Variants in CDH13 observed in about 807,000 individuals in gnomAD.
CDH13 encodes the protein cadherin-13.
In CDH13, 24 loss-of-function variants were observed where a neutral mutation model predicts 63.8. That is an observed-to-expected ratio of 0.38 (90% confidence interval 0.27 to 0.53). The LOEUF (loss-of-function observed/expected upper bound fraction) is 0.53. Ranked by LOEUF, CDH13 falls within the 20% of genes least tolerant of loss-of-function variation. CDH13 has a pLI of 0.85. For missense variants in CDH13, 1,049 were observed against 903.1 expected, an observed-to-expected ratio of 1.16 and a Z score of -2.07; for synonymous variants, 503 against 355.3, an observed-to-expected ratio of 1.42 and a Z score of -4.67.
At chr16:83,756,287 T>G (rs1363428864) in intron 11 of CDH13, among the ~76,000 whole-genome samples, 1 of 152,216 alleles carries the variant, frequency 6.6e-6, no homozygotes, top group African/African-American at 2.4e-5. Context: ...AGATTAAATA[T>G]TTCAAGTAAT....
chr16:82,823,120 G>A (rs2038081122), intron 1 of CDH13: 1 of 152,256 alleles, frequency 6.6e-6, no homozygotes, highest in Non-Finnish European at 1.5e-5. Context: ...CCTATTCCAA[G>A]AGAGAGGCTG....
chr16:83,669,780 C>T (rs780732915), intron 8 of CDH13, among the ~76,000 whole-genome samples: 4 of 152,210 alleles, frequency 2.6e-5, no homozygotes, highest in Non-Finnish European at 5.9e-5. Context: ...TATCACCTTA[C>T]TGTCTCTAGA....
chr16:83,004,910 A>C (rs1597392327), intron 2 of CDH13, among the ~76,000 whole-genome samples: 1 of 152,316 alleles, frequency 6.6e-6, no homozygotes, highest in Middle Eastern at 3.4e-3. Context: ...TGTCATCCCC[A>C]GGGTGGTATC....
intron 1 of CDH13, among the ~76,000 whole-genome samples, chr16:82,773,788 C>T (rs1049462930): frequency 6.8e-6 from 1 of 147,492 alleles, no homozygotes; most frequent in Non-Finnish European, 1.5e-5. Flanking sequence ...TCTTCTTCTT[C>T]TTCTTTTTTT....
At chr16:83,419,876 C>T (rs2071663854) in intron 6 of CDH13, among the ~76,000 whole-genome samples, 1 of 151,444 alleles carries the variant, frequency 6.6e-6, no homozygotes, top group Non-Finnish European at 1.5e-5. Flanking sequence ...TTCAGCTCTA[C>T]ATAATAACAG....
intron 1 of CDH13, among the ~76,000 whole-genome samples, chr16:82,792,260 C>T (rs1160378057): frequency 3.3e-5 from 5 of 152,126 alleles, no homozygotes; most frequent in African/African-American, 9.7e-5. Context: ...CTGCCTTTCC[C>T]AGTATGGAAG....
At chr16:82,633,560 G>T (rs1227834130) in intron 1 of CDH13, among the ~76,000 whole-genome samples, 1 of 152,106 alleles carries the variant, frequency 6.6e-6, no homozygotes, top group Non-Finnish European at 1.5e-5. Context: ...TTTATTTTTA[G>T]TAGAGACGGG....
At chr16:83,612,200 T>A (rs769261043) in intron 8 of CDH13, among the ~76,000 whole-genome samples, 1 of 152,058 alleles carries the variant, frequency 6.6e-6, no homozygotes, top group Non-Finnish European at 1.5e-5. Flanking sequence ...ATTAGATGTA[T>A]ACAAATTTAA....
At chr16:83,447,053 TAAAA>T (rs56692922) in intron 6 of CDH13, among the ~76,000 whole-genome samples, 18 of 64,286 alleles carry the variant, frequency 2.8e-4, no homozygotes, top group South Asian at 6.8e-4. Context: ...TCACCCGTCT[TAAAA>T]AAAAAAAAAA....
chr16:83,575,968 G>T (rs1905060197), intron 7 of CDH13, among the ~76,000 whole-genome samples: 1 of 152,134 alleles, frequency 6.6e-6, no homozygotes, highest in South Asian at 2.1e-4. Context: ...ACGTTAAAGT[G>T]AACAATTCAG....
In CDH13 at chr16:82,632,175, G is replaced by A. The variant is rs77718338; in HGVS notation, c.45+5038G>A. Among the ~76,000 whole-genome samples, 781 of 152,164 alleles carry A rather than the reference G, an allele frequency of 5.1e-3. 5 individuals are homozygous for A. Among genetic ancestry groups the A allele is most frequent in the African/African-American group, 0.017 (690 of 41,506 alleles). On this transcript the variant is annotated intron_variant, in intron 1 of 13. Transcript: ENST00000567109. ...CGTGCCTCCGTAGCTTGCCATAATC[G>A]TCACCACTCTCTACTACCCAGCCTT...
chr16:83,121,232 C>T (rs1326716845), intron 3 of CDH13, among the ~76,000 whole-genome samples: 1 of 152,102 alleles, frequency 6.6e-6, no homozygotes, highest in Admixed American at 6.5e-5. Flanking sequence ...TACTTAGTCT[C>T]TTTCATTGAG....
chr16:83,704,760 G>GA (rs562514118), intron 10 of CDH13, among the ~76,000 whole-genome samples: 7 of 151,892 alleles, frequency 4.6e-5, no homozygotes, highest in Non-Finnish European at 8.8e-5. Flanking sequence ...TACTACAATA[G>GA]AAAAAAAATT....
chr16:82,858,848 T>C, intron 2 of CDH13: 1 of 290,086 alleles, frequency 3.4e-6, no homozygotes, highest in Non-Finnish European at 6.4e-6. Context: ...CTGTAGTTTC[T>C]CATACATAGC....
At chr16:82,799,829 G>A (rs184640411) in intron 1 of CDH13, among the ~76,000 whole-genome samples, 154 of 151,860 alleles carry the variant, frequency 1.0e-3, no homozygotes, top group Non-Finnish European at 1.8e-3. Flanking sequence ...TATTTCTAAT[G>A]TATGTCTCTG....
rs1045406890 is a variant in CDH13, at chr16:83,058,481, C to G, written c.366+26263C>G. Among the ~76,000 whole-genome samples the G allele has an allele frequency of 2.5e-4, 38 of 152,306 alleles. 1 individual carries two copies. Among genetic ancestry groups the G allele is most frequent in the African/African-American group, 9.1e-4 (38 of 41,554 alleles). On this transcript the variant is annotated intron_variant, in intron 3 of 13. Transcript: ENST00000567109. ...CAACAGATGCATTCTTGTGACCTCA[C>G]TGATGACAGGGGCGTCGTTTATTCT... is the stretch of plus-strand genomic sequence containing the variant.
intron 8 of CDH13, among the ~76,000 whole-genome samples, chr16:83,647,764 G>A (rs1236850340): frequency 2.0e-5 from 3 of 152,154 alleles, no homozygotes; most frequent in African/African-American, 7.2e-5. Flanking sequence ...TTATCTGGTT[G>A]GTGGGTACCA....
At chr16:83,094,632 C>T (rs9934641) in intron 3 of CDH13, among the ~76,000 whole-genome samples, 6 of 151,944 alleles carry the variant, frequency 3.9e-5, no homozygotes, top group African/African-American at 1.4e-4. Flanking sequence ...TCCAACTTCC[C>T]AGTGGCTGAA....
At chr16:82,772,374 G>C (rs562055314) in intron 1 of CDH13, among the ~76,000 whole-genome samples, 6 of 152,120 alleles carry the variant, frequency 3.9e-5, no homozygotes, top group Non-Finnish European at 8.8e-5. Context: ...TGCAGGGACA[G>C]CATCTACTGC....
Sources: gnomAD v4.1 joint callset for allele counts (sites outside exome capture counted in the v4.1 genomes callset) on GRCh38, gnomAD v4.1.1 for gene constraint, MANE v1.5 for transcripts, NCBI Gene and HGNC (gene_info 2026-07-23, HGNC 2026-07-21) for gene names.